The following RPS6KC1 variants were observed in gnomAD, a reference collection of about 807,000 sequenced individuals.
The protein encoded by RPS6KC1 is inactive ribosomal protein S6 kinase delta-1.
Under a neutral mutation model 103.8 loss-of-function variants are expected in RPS6KC1, and 54 were observed. The observed-to-expected ratio is 0.52, with a 90% CI of 0.42 to 0.65. The LOEUF is 0.65. RPS6KC1 is among the 30% of genes least tolerant of loss of function. RPS6KC1 has a pLI of 0.00. For synonymous variants in RPS6KC1, 439 were observed against 438.7 expected, an observed-to-expected ratio of 1.00 and a Z score of -0.01; for missense variants, 1,151 against 1,253.8, an observed-to-expected ratio of 0.92 and a Z score of 1.24.
chr1:213,217,741 C>G (rs1269640489), intron 8 of RPS6KC1, among the ~76,000 whole-genome samples: 3 of 152,126 alleles, frequency 2.0e-5, no homozygotes, highest in Non-Finnish European at 2.9e-5. Flanking sequence ...TAAACATAAT[C>G]CAGCATATAA....
chr1:213,225,564 T>A (rs990509629), intron 8 of RPS6KC1, among the ~76,000 whole-genome samples: 3 of 152,080 alleles, frequency 2.0e-5, no homozygotes, highest in African/African-American at 7.2e-5. Flanking sequence ...AATTTTTGTA[T>A]TTTTAGTAGA....
At chr1:213,073,878 G>A (rs1243089359) in intron 2 of RPS6KC1, among the ~76,000 whole-genome samples, 3 of 152,006 alleles carry the variant, frequency 2.0e-5, no homozygotes, top group African/African-American at 7.2e-5. Context: ...GTTTTACCAT[G>A]TTGGCCAGGC....
the RPS6KC1 span, among the ~76,000 whole-genome samples, chr1:213,420,814 T>C: frequency 6.6e-6 from 1 of 152,162 alleles, no homozygotes; most frequent in African/African-American, 2.4e-5. Flanking sequence ...AAATCTGAGA[T>C]CAAGGTGCTG....
chr1:213,113,672 C>T (rs1020375867), intron 4 of RPS6KC1, among the ~76,000 whole-genome samples: 8 of 150,588 alleles, frequency 5.3e-5, no homozygotes, highest in Admixed American at 5.3e-4. Flanking sequence ...AGGTTTTCTT[C>T]TAGGGTTTTG....
the RPS6KC1 span, among the ~76,000 whole-genome samples, chr1:213,638,233 G>A: frequency 6.6e-6 from 1 of 151,856 alleles, no homozygotes; most frequent in Admixed American, 6.6e-5. Flanking sequence ...ATTTTTAGCT[G>A]GATTGTTTCT....
intron 10 of RPS6KC1, among the ~76,000 whole-genome samples, chr1:213,234,679 GC>G (rs970619251): frequency 3.3e-5 from 5 of 152,314 alleles, no homozygotes; most frequent in African/African-American, 1.2e-4. Flanking sequence ...GCCTTGTACA[GC>G]AGAGTAAGGA....
the RPS6KC1 span, chr1:213,817,764 AC>A: frequency 6.6e-6 from 1 of 151,418 alleles, no homozygotes; most frequent in Non-Finnish European, 1.5e-5. Flanking sequence ...ATTTTATTAC[AC>A]TTTTCTTTAT....
chr1:213,091,692 A>G (rs1338459310), intron 3 of RPS6KC1, among the ~76,000 whole-genome samples: 4 of 152,236 alleles, frequency 2.6e-5, no homozygotes, highest in Admixed American at 6.5e-5. Flanking sequence ...AAAATTTTAA[A>G]GTATTGGGAA....
intron 5 of RPS6KC1, among the ~76,000 whole-genome samples, chr1:213,123,216 G>C (rs1380074158): frequency 6.6e-6 from 1 of 152,118 alleles, no homozygotes. Context: ...ATTTGGTATA[G>C]AAAACTCAGC....
the RPS6KC1 span, among the ~76,000 whole-genome samples, chr1:213,442,644 G>A: frequency 6.6e-6 from 1 of 152,206 alleles, no homozygotes; most frequent in Non-Finnish European, 1.5e-5. Flanking sequence ...TGTACTAAAT[G>A]ATAACAATGT....
Position 213,241,753 on chromosome 1 carries a change from ATCCTATAG to A in RPS6KC1, c.2279_2286del (p.Ser760TyrfsTer20). The A allele has an allele frequency of 6.2e-7, 1 of 1,613,976 alleles. No individual in the cohort carries two copies. Among genetic ancestry groups the A allele is most frequent in the Non-Finnish European group, 8.5e-7 (1 of 1,179,942 alleles). ...AACTGAGTGATCCCTCTGGGCCCAA[ATCCTATAG>A]TATAACAGAGAAACACTATGCACAG... On this transcript the variant is annotated frameshift_variant, in exon 11 of 15. Coordinates refer to ENST00000366960, the MANE Select transcript of RPS6KC1 (RefSeq NM_012424.6). LOFTEE classifies it high-confidence loss of function.
chr1:213,561,166 G>A, the RPS6KC1 span, among the ~76,000 whole-genome samples: 2 of 152,216 alleles, frequency 1.3e-5, no homozygotes, highest in Non-Finnish European at 2.9e-5. Flanking sequence ...TGCTAAAGCA[G>A]TGTTTCTCAA....
the RPS6KC1 span, among the ~76,000 whole-genome samples, chr1:213,363,702 C>CTCT: frequency 5.1e-5 from 3 of 58,812 alleles, no homozygotes; most frequent in African/African-American, 1.4e-4. Context: ...TTCTTTCTTT[C>CTCT]CTTCTTTCTT....
chr1:213,346,613 C>T, the RPS6KC1 span, among the ~76,000 whole-genome samples: 1 of 151,650 alleles, frequency 6.6e-6, no homozygotes, highest in South Asian at 2.1e-4. Flanking sequence ...TATATTCAGG[C>T]TGGTTTGTTA....
At chr1:213,728,965 T>TTTTTTTTTTTTTTA in the RPS6KC1 span, among the ~76,000 whole-genome samples, 34 of 141,106 alleles carry the variant, frequency 2.4e-4, 1 homozygote, top group African/African-American at 8.2e-4. Flanking sequence ...TTTTTTTTTT[T>TTTTTTTTTTTTTTA]ACCAGTGGAC....
chr1:213,339,701 G>A, the RPS6KC1 span, among the ~76,000 whole-genome samples: 5 of 152,216 alleles, frequency 3.3e-5, no homozygotes, highest in Non-Finnish European at 7.3e-5. Flanking sequence ...CTATTTTACA[G>A]ATCAGGAAAT....
At chr1:213,831,223 T>G in the RPS6KC1 span, among the ~76,000 whole-genome samples, 1 of 152,152 alleles carries the variant, frequency 6.6e-6, no homozygotes, top group Non-Finnish European at 1.5e-5. Flanking sequence ...AGGTGTCACC[T>G]CACATGGAAA....
the RPS6KC1 span, among the ~76,000 whole-genome samples, chr1:213,713,131 T>G: frequency 3.9e-3 from 590 of 152,350 alleles, 11 homozygotes; most frequent in Non-Finnish European, 3.0e-3. Flanking sequence ...TCCAATTTTA[T>G]TTTTGTTTCT....
chr1:213,563,048 A>G, the RPS6KC1 span, among the ~76,000 whole-genome samples: 4 of 152,056 alleles, frequency 2.6e-5, no homozygotes, highest in Non-Finnish European at 1.5e-5. Flanking sequence ...TGTCTGCCTG[A>G]TTTACTCTTT....
Sources: allele counts gnomAD v4.1 joint callset (sites outside exome capture counted in the v4.1 genomes callset), GRCh38; gene constraint gnomAD v4.1.1; transcripts MANE v1.5; gene names NCBI Gene and HGNC (gene_info 2026-07-23, HGNC 2026-07-21).